Variants in TLN2 observed in about 807,000 individuals in gnomAD.
TLN2 encodes talin 2.
A neutral mutation model predicts 294.7 loss-of-function variants in TLN2; 118 were observed. The observed-to-expected ratio is 0.40, with a 90% CI of 0.34 to 0.47. The LOEUF is 0.47. TLN2 is among the 20% of genes least tolerant of loss of function. TLN2 has a pLI of 0.84. For synonymous variants in TLN2, 1,431 were observed against 1,304.5 expected, an observed-to-expected ratio of 1.10 and a Z score of -2.09; for missense variants, 3,083 against 3,282.2, an observed-to-expected ratio of 0.94 and a Z score of 1.48.
chr15:62,682,039 G>A (rs2056879882), intron 11 of TLN2, among the ~76,000 whole-genome samples: 1 of 152,194 alleles, frequency 6.6e-6, no homozygotes, highest in Non-Finnish European at 1.5e-5. Flanking sequence ...GCAGGCATGA[G>A]CCACTGTATC....
chr15:62,456,402 C>A (rs1566987429), intron 1 of TLN2, among the ~76,000 whole-genome samples: 1 of 152,274 alleles, frequency 6.6e-6, no homozygotes, highest in South Asian at 2.1e-4. Context: ...GTGAGTCCTC[C>A]CCACCGTTTA....
At chr15:62,485,278 A>G (rs1451824660) in intron 1 of TLN2, among the ~76,000 whole-genome samples, 1 of 152,162 alleles carries the variant, frequency 6.6e-6, no homozygotes, top group African/African-American at 2.4e-5. Context: ...CAGGTTCTGG[A>G]GAATAGGACA....
Position 62,417,805 on chromosome 15 carries a change from G to A in TLN2, c.-238+27120G>A, listed in dbSNP as rs144140378. Among the ~76,000 whole-genome samples the A allele has an allele frequency of 7.2e-3, 1,097 of 152,288 alleles. 5 individuals carry two copies. The highest frequency in any genetic ancestry group is 0.01 in the Middle Eastern group (3 of 294). The stretch of plus-strand genomic sequence containing the variant: ...CCATTGGAGGAATTATGCATTCATT[G>A]GGACAGAAATGTAAAAGCTAGGCTT... On this transcript the variant is annotated intron_variant, in intron 1 of 58. Transcript: ENST00000636159.
At chr15:62,704,149 A>C (rs1029361749) in intron 19 of TLN2, among the ~76,000 whole-genome samples, 2 of 152,044 alleles carry the variant, frequency 1.3e-5, no homozygotes, top group African/African-American at 4.8e-5. Context: ...TGAATTATTT[A>C]TTTATATATA....
chr15:62,570,597 C>G lies in TLN2; in HGVS notation c.-237-19090C>G, dbSNP rs139126396. Among the ~76,000 whole-genome samples the G allele has an allele frequency of 8.4e-3, 1,280 of 152,150 alleles. 22 individuals carry two copies. Among genetic ancestry groups the G allele is most frequent in the African/African-American group, 0.029 (1,220 of 41,492 alleles). ...AACAAGTCTGAATATTCTCTTTTCC[C>G]TAATTTTGGTTGCTTAAGCTAGTGT... is the stretch of plus-strand genomic sequence containing the variant. On this transcript the variant is annotated intron_variant, in intron 1 of 58. Transcript: ENST00000636159.
intron 10 of TLN2, among the ~76,000 whole-genome samples, chr15:62,674,820 G>T (rs1340253095): frequency 6.6e-6 from 1 of 152,190 alleles, no homozygotes; most frequent in Non-Finnish European, 1.5e-5. Context: ...GAGGATGGAT[G>T]TTAGAATGAC....
intron 43 of TLN2, among the ~76,000 whole-genome samples, chr15:62,778,555 C>T (rs1258215355): frequency 6.6e-6 from 1 of 152,272 alleles, no homozygotes; most frequent in African/African-American, 2.4e-5. Context: ...AGATGGACGT[C>T]AGATCCAAAG....
rs1184935282 is a variant in TLN2, at chr15:62,792,787, G to T, written c.5883G>T (p.Lys1961Asn). 2 of 1,613,824 alleles carry T rather than the reference G, an allele frequency of 1.2e-6. No homozygotes were observed. Among genetic ancestry groups the T allele is most frequent in the African/African-American group, 1.3e-5 (1 of 74,938 alleles). The change falls in exon 46 of 59, where the codon AAG (lysine) becomes AAT (asparagine). Residue 1961 changes from lysine (K) to asparagine (N), a missense_variant and splice_region_variant. Coordinates refer to ENST00000636159, the MANE Select transcript of TLN2 (RefSeq NM_015059.3). ...LIECARAVTE[K>N]VSLVLSALQA... is the part of the protein sequence containing the mutation. ...AATGCGCCCGTGCCGTCACGGAAAA[G>T]GTAAGGAGCAGCCCTCAGTTTAGAG...
chr15:62,735,064 C>T (rs1269574037), intron 28 of TLN2, among the ~76,000 whole-genome samples: 2 of 152,190 alleles, frequency 1.3e-5, no homozygotes, highest in East Asian at 1.9e-4. Context: ...ACAGAAAGGG[C>T]TCATAGTTCT....
intron 3 of TLN2, among the ~76,000 whole-genome samples, chr15:62,628,667 A>T (rs1349450923): frequency 6.6e-6 from 1 of 152,228 alleles, no homozygotes; most frequent in Non-Finnish European, 1.5e-5. Context: ...AATCCAGTTA[A>T]TGAGATCACG....
intron 42 of TLN2, among the ~76,000 whole-genome samples, 179 bp from the exon 43 acceptor site, chr15:62,776,585 T>C (rs1326342067): frequency 1.3e-5 from 2 of 152,208 alleles, no homozygotes; most frequent in Non-Finnish European, 2.9e-5. Context: ...TATTTGTCTT[T>C]CTGATTTTTA....
In TLN2 at chr15:62,697,790, C is replaced by G. The variant is rs1040397726; in HGVS notation, c.1395C>G (p.Thr465=). Residue 465 remains threonine, a synonymous_variant, in exon 15 of 59, where the codon ACC becomes ACG. Coordinates refer to ENST00000636159, the MANE Select transcript of TLN2 (RefSeq NM_015059.3). The stretch of plus-strand genomic sequence containing the variant: ...GCTCGGGCTCCAGCGGGCCTGAGAC[C>G]TTCAACGTTGGCAGCATGCCCTCGC... ...VMRSGSSGPE[T]FNVGSMPSPQ... 1.2e-6 allele frequency: 2 copies of G among 1,612,850 alleles called. No individual in the cohort carries two copies. Among genetic ancestry groups the G allele is most frequent in the Non-Finnish European group, 1.7e-6 (2 of 1,179,744 alleles).
chr15:62,736,992 G>A lies in TLN2; in HGVS notation c.3473G>A (p.Arg1158Gln), dbSNP rs759597569. The change falls in exon 29 of 59, where the codon CGA (arginine) becomes CAA (glutamine). Residue 1158 changes from arginine (R) to glutamine (Q), a missense_variant. Physicochemically the swap from Arg to Gln is conservative, Grantham distance 43. Transcript: ENST00000636159. The stretch of plus-strand genomic sequence containing the variant: ...GCCCATGCCATGTTAGATTCTGCTC[G>A]AGACGTGATGGAGGGCTCCGCCATG... ...AAAHAMLDSA[R>Q]DVMEGSAMLI... 37 of 1,614,068 alleles carry A rather than the reference G, an allele frequency of 2.3e-5. No homozygotes were observed. The highest frequency in any genetic ancestry group is 3.3e-5 in the South Asian group (3 of 91,084).
chr15:62,765,706 A>G (rs945674374), intron 40 of TLN2, among the ~76,000 whole-genome samples: 7 of 152,334 alleles, frequency 4.6e-5, no homozygotes, highest in East Asian at 1.9e-4. Context: ...GCATGATTCA[A>G]TTCTTTAGGG....
At chr15:62,658,577 C>G (rs1285431511) in intron 9 of TLN2, among the ~76,000 whole-genome samples, 1 of 152,162 alleles carries the variant, frequency 6.6e-6, no homozygotes, top group East Asian at 1.9e-4. Flanking sequence ...AAGGTGACGC[C>G]GTGTCCTGCA....
At chr15:62,580,414 C>CCCTCCCTCCCTCCCTT (rs1204586588) in intron 1 of TLN2, among the ~76,000 whole-genome samples, 1 of 143,706 alleles carries the variant, frequency 7.0e-6, no homozygotes, top group African/African-American at 2.6e-5. Flanking sequence ...CTCCCTCCCT[C>CCCTCCCTCCCTCCCTT]CCTCCCTCCC....
intron 1 of TLN2, among the ~76,000 whole-genome samples, chr15:62,503,798 G>A (rs1001403587): frequency 5.3e-5 from 8 of 152,158 alleles, no homozygotes; most frequent in African/African-American, 1.9e-4. Flanking sequence ...CAGAGAACCT[G>A]GAAGCCTCAC....
At chr15:62,594,488 G>A (rs1288439609) in intron 2 of TLN2, among the ~76,000 whole-genome samples, 1 of 152,144 alleles carries the variant, frequency 6.6e-6, no homozygotes, top group African/African-American at 2.4e-5. Context: ...GATTACAGAC[G>A]TAGCCACCAT....
intron 28 of TLN2, among the ~76,000 whole-genome samples, chr15:62,729,936 T>A (rs2060628238): frequency 6.6e-6 from 1 of 152,170 alleles, no homozygotes; most frequent in African/African-American, 2.4e-5. Flanking sequence ...TTTCTTTAAA[T>A]CTAAGTTACT....
Sources: allele counts gnomAD v4.1 joint callset (sites outside exome capture counted in the v4.1 genomes callset), GRCh38; gene constraint gnomAD v4.1.1; transcripts MANE v1.5; gene names NCBI Gene and HGNC (gene_info 2026-07-23, HGNC 2026-07-21).